MTERF3: variants seen among roughly 807,000 people sequenced by gnomAD.
MTERF3 encodes the protein mitochondrial transcription termination factor 3.
A neutral mutation model predicts 40.5 loss-of-function variants in MTERF3; 40 were observed. The observed-to-expected ratio is 0.99, with a 90% CI of 0.77 to 1.29. MTERF3 has a LOEUF of 1.29. Ranked by LOEUF, MTERF3 falls within the 50% of genes most tolerant of loss-of-function variation. The pLI, the probability that MTERF3 is intolerant of heterozygous loss-of-function variation, is 0.00. For missense variants in MTERF3, 452 were observed against 478.2 expected (o/e 0.95, Z 0.51); for synonymous variants, 158 against 166.6 (o/e 0.95, Z 0.40).
At chr8:96,243,139 T>C (rs1193269329) in intron 7 of MTERF3, among the ~76,000 whole-genome samples, 1 of 152,206 alleles carries the variant, frequency 6.6e-6, no homozygotes, top group Non-Finnish European at 1.5e-5. Context: ...CTGAGAGTTG[T>C]ATTAAGGTCA....
chr8:96,261,397 C>T (rs976616694), intron 1 of MTERF3, 104 bp downstream of exon 1: 1 of 152,318 alleles, frequency 6.6e-6, no homozygotes, highest in Non-Finnish European at 1.5e-5. Context: ...CCGCGAAAAC[C>T]TAAAGGCCCT....
rs748428195 is a variant in MTERF3 at position 96,246,489 on chromosome 8, C to T, written c.678-35G>A. On this transcript the variant is annotated intron_variant, in intron 4 of 7. Transcript: ENST00000287025. The stretch of plus-strand genomic sequence containing the variant: ...CATAAATACATACGCATGTGATAAA[C>T]ACTTACATTCTTTTTTTTTGAGATG... The T allele has an allele frequency of 2.0e-6, 3 of 1,536,522 alleles. No homozygotes were observed. The South Asian group carries it at 3.7e-5, about 19-fold the overall frequency.
chr8:96,239,542 C>G lies in MTERF3; in HGVS notation c.1203G>C (p.Glu401Asp), dbSNP rs1586160546. 1.2e-6 allele frequency: 2 copies of G among 1,610,088 alleles called. No individual in the cohort carries two copies. The highest frequency in any genetic ancestry group is 1.1e-5 in the South Asian group (1 of 90,342). The change falls in exon 8 of 8, where the codon GAG becomes GAC. Residue 401 changes from glutamate (E) to aspartate (D), a missense_variant. By Grantham distance (45) the Glu-to-Asp change is conservative. Coordinates refer to ENST00000287025, the MANE Select transcript of MTERF3 (RefSeq NM_015942.5). ...AGTCCTGTACTGATGCTTTGGCAAT[C>G]TCTTCACAAAATATTTCATCAGGAA... Reference protein sequence around the residue: ...VSIPDEIFCEEIAKASVQDFE... With the variant: ...VSIPDEIFCEDIAKASVQDFE...
rs1485483116 is a variant in MTERF3, at chr8:96,258,467, G to A, written c.224C>T (p.Ser75Leu). Reference protein sequence around the residue: ...SLWNSSQSTSSSSQENNSAQS... With the variant: ...SLWNSSQSTSLSSQENNSAQS... Reference sequence around the variant, plus strand: ...GGCAGAATTATTCTCCTGACTACTTGAGCTAGTAGACTGGGAACTATTCCA... The same window carrying A: ...GGCAGAATTATTCTCCTGACTACTTAAGCTAGTAGACTGGGAACTATTCCA... The change falls in exon 2 of 8, where the codon TCA becomes TTA. Residue 75 changes from serine (S) to leucine (L), a missense_variant. Coordinates refer to ENST00000287025, the MANE Select transcript of MTERF3 (RefSeq NM_015942.5). 1 of 1,614,140 alleles carries A rather than the reference G, an allele frequency of 6.2e-7. No homozygotes were observed. The highest frequency in any genetic ancestry group is 1.7e-5 in the Admixed American group (1 of 60,028).
chr8:96,241,337 G>A (rs1809924807), intron 7 of MTERF3, among the ~76,000 whole-genome samples: 1 of 151,516 alleles, frequency 6.6e-6, no homozygotes, highest in South Asian at 2.1e-4. Context: ...TTGAACCCGG[G>A]AGGCGGCGGT....
intron 4 of MTERF3, among the ~76,000 whole-genome samples, chr8:96,249,379 A>C (rs140303556): frequency 2.4e-4 from 37 of 152,342 alleles, no homozygotes; most frequent in African/African-American, 8.2e-4. Context: ...TTTTGACTGC[A>C]GAGAGAATTA....
At chr8:96,244,831 G>C (rs1809993889) in intron 6 of MTERF3, among the ~76,000 whole-genome samples, 1 of 152,184 alleles carries the variant, frequency 6.6e-6, no homozygotes, top group Non-Finnish European at 1.5e-5. Flanking sequence ...GCTACACCAT[G>C]ATGGTCATGA....
chr8:96,247,963 T>G (rs866719420), intron 4 of MTERF3, among the ~76,000 whole-genome samples: 11 of 152,184 alleles, frequency 7.2e-5, no homozygotes, highest in Non-Finnish European at 2.9e-5. Context: ...ATTCAACATA[T>G]GAAAAGATGC....
chr8:96,259,284 G>C (rs1810337653), intron 1 of MTERF3, among the ~76,000 whole-genome samples: 1 of 152,194 alleles, frequency 6.6e-6, no homozygotes, highest in Non-Finnish European at 1.5e-5. Context: ...TCTCAGGGCT[G>C]AACACTGTTG....
At chr8:96,252,681 G>A (rs755042300) in intron 3 of MTERF3, among the ~76,000 whole-genome samples, 3 of 152,158 alleles carry the variant, frequency 2.0e-5, no homozygotes, top group Non-Finnish European at 4.4e-5. Context: ...AAATAAATAA[G>A]ATGAAAACCA....
chr8:96,242,761 T>C (rs1003043234), intron 7 of MTERF3, among the ~76,000 whole-genome samples: 2 of 152,146 alleles, frequency 1.3e-5, no homozygotes, highest in African/African-American at 4.8e-5. Flanking sequence ...ATAAAGCAAT[T>C]CTATTTTTAA....
chr8:96,244,300 G>T (rs1432997661), intron 6 of MTERF3, among the ~76,000 whole-genome samples: 1 of 151,972 alleles, frequency 6.6e-6, no homozygotes, highest in African/African-American at 2.4e-5. Context: ...GTACAGCCAG[G>T]GTTTCACCAT....
chr8:96,249,689 T>C lies in MTERF3; in HGVS notation c.677+1217A>G, dbSNP rs1412300919. Among the ~76,000 whole-genome samples the C allele has an allele frequency of 2.0e-5, 3 of 152,312 alleles. No homozygotes were observed. The East Asian group carries it at 5.8e-4, about 29-fold the overall frequency. On this transcript the variant is annotated intron_variant, in intron 4 of 7. Coordinates refer to ENST00000287025, the MANE Select transcript of MTERF3 (RefSeq NM_015942.5). Reference sequence around the variant, plus strand: ...ATCAACATCAGTGTGGAGAACAGTCTGGAGGGTCATGACTAGAGGCAGACC... The same window carrying C: ...ATCAACATCAGTGTGGAGAACAGTCCGGAGGGTCATGACTAGAGGCAGACC...
intron 7 of MTERF3, among the ~76,000 whole-genome samples, chr8:96,243,387 C>T (rs1371513812): frequency 6.6e-6 from 1 of 152,000 alleles, no homozygotes; most frequent in Non-Finnish European, 1.5e-5. Context: ...GAGGATTTGG[C>T]AGTGTATAAA....
intron 4 of MTERF3, among the ~76,000 whole-genome samples, chr8:96,250,634 A>G (rs796408467): frequency 1.0e-3 from 25 of 24,372 alleles, no homozygotes; most frequent in South Asian, 6.4e-3. Context: ...AAGAAGAAGA[A>G]GAAGAAGAAG....
At chr8:96,259,820 A>C (rs1810345982) in intron 1 of MTERF3, among the ~76,000 whole-genome samples, 3 of 152,184 alleles carry the variant, frequency 2.0e-5, no homozygotes, top group Admixed American at 2.0e-4. Flanking sequence ...CTTTTCTTGG[A>C]GATCTGTAGT....
chr8:96,250,151 G>A (rs1211209062), intron 4 of MTERF3, among the ~76,000 whole-genome samples: 2 of 151,976 alleles, frequency 1.3e-5, no homozygotes, highest in African/African-American at 2.4e-5. Flanking sequence ...TCCTTAAGAA[G>A]AAAACAAGGA....
intron 3 of MTERF3, among the ~76,000 whole-genome samples, chr8:96,255,848 C>T (rs1020196581): frequency 1.1e-4 from 17 of 152,068 alleles, no homozygotes; most frequent in Admixed American, 6.5e-4. Context: ...ACAGCCTTAT[C>T]GGAGAGGAGA....
intron 1 of MTERF3, among the ~76,000 whole-genome samples, chr8:96,259,134 G>C (rs993606660): frequency 6.6e-6 from 1 of 152,172 alleles, no homozygotes; most frequent in Non-Finnish European, 1.5e-5. Context: ...GCTGATCAAA[G>C]TAACACTGAA....
Sources: gnomAD v4.1 joint callset for allele counts (sites outside exome capture counted in the v4.1 genomes callset) on GRCh38, gnomAD v4.1.1 for gene constraint, MANE v1.5 for transcripts, NCBI Gene and HGNC (gene_info 2026-07-23, HGNC 2026-07-21) for gene names.